Variants in TOP2B observed in about 807,000 individuals in gnomAD.
TOP2B encodes DNA topoisomerase 2-beta.
Under a neutral mutation model 193.5 loss-of-function variants are expected in TOP2B, and 51 were observed. The ratio of observed to expected loss-of-function variants is 0.26; its 90% CI spans 0.21 to 0.33. The LOEUF (loss-of-function observed/expected upper bound fraction) is 0.33. TOP2B is among the 10% of genes least tolerant of loss of function. The pLI is 1.00. For synonymous variants in TOP2B, 634 were observed against 635.7 expected, an observed-to-expected ratio of 1.00 and a Z score of 0.04; for missense variants, 1,378 against 1,909.3, an observed-to-expected ratio of 0.72 and a Z score of 5.19.
chr3:25,632,926 AT>A (rs1703001443), intron 8 of TOP2B, 132 bp from the exon 9 acceptor site: 2 of 779,584 alleles, frequency 2.6e-6, no homozygotes, highest in South Asian at 2.2e-5. Context: ...TTTTAAAAAA[AT>A]AAGACATTTT....
At chr3:25,639,684 T>C (rs1008042577) in intron 4 of TOP2B, among the ~76,000 whole-genome samples, 22 of 152,218 alleles carry the variant, frequency 1.4e-4, no homozygotes, top group African/African-American at 5.1e-4. Context: ...TTAATAAGTG[T>C]TAAGCTCCCT....
chr3:25,612,520 T>C lies in TOP2B; in HGVS notation c.3781A>G (p.Lys1261Glu). The change falls in exon 28 of 36, where the codon AAG becomes GAG. Residue 1261 changes from lysine (K) to glutamate (E), a missense_variant. Coordinates refer to ENST00000264331, the MANE Select transcript of TOP2B (RefSeq NM_001330700.2). ...ADASKKLLKK[K>E]KGDLDTAAVK... ...TGACAAGAGGTATGTCATACCTTCT[T>C]CTTCTTCAGCAACTTTTTGCTGGCA... The C allele has an allele frequency of 6.2e-7, 1 of 1,607,370 alleles. No individual in the cohort carries two copies. Among genetic ancestry groups the C allele is most frequent in the Non-Finnish European group, 8.5e-7 (1 of 1,177,276 alleles).
intron 1 of TOP2B, among the ~76,000 whole-genome samples, chr3:25,647,902 A>G (rs1559507763): frequency 6.6e-6 from 1 of 152,212 alleles, no homozygotes; most frequent in Non-Finnish European, 1.5e-5. Context: ...CATGAAGACA[A>G]GGATTCAACA....
At chr3:25,619,108 G>T (rs552204564) in intron 23 of TOP2B, among the ~76,000 whole-genome samples, 2 of 151,934 alleles carry the variant, frequency 1.3e-5, no homozygotes, top group South Asian at 4.2e-4. Flanking sequence ...ACAAAAATAG[G>T]CCTTAAAAAA....
rs529256350 is a variant in TOP2B, at chr3:25,607,269, A to T, written c.4200T>A (p.Ser1400=). The change falls in exon 31 of 36, where the codon TCT becomes TCA. Residue 1400 remains serine, a synonymous_variant. Coordinates refer to ENST00000264331, the MANE Select transcript of TOP2B (RefSeq NM_001330700.2). The part of the protein sequence containing the change: ...NDLEELKVKA[S]PITNDGEDEF... ...CATCTTCCCCATCATTTGTTATGGG[A>T]GATGCTTTAACTTTCAATTCCTCTA... The T allele has an allele frequency of 9.0e-5, 142 of 1,582,494 alleles. No homozygotes were observed. The South Asian group carries it at 1.5e-3, about 17-fold the overall frequency.
chr3:25,624,383 G>A lies in TOP2B; in HGVS notation c.2409C>T (p.Asn803=). 1.9e-6 allele frequency: 3 copies of A among 1,613,896 alleles called. No individual in the cohort carries two copies. Among genetic ancestry groups the A allele is most frequent in the Non-Finnish European group, 2.5e-6 (3 of 1,179,838 alleles). The change falls in exon 20 of 36, where the codon AAC becomes AAT. Residue 803 remains asparagine, a synonymous_variant. Transcript: ENST00000264331. ...AQNFVGSNNI[N]LLQPIGQFGT... is the part of the protein sequence containing the mutation. ...CAAACTGACCAATAGGCTGAAGCAAGTTAATGTTGTTACTTCCCACAAAGT... is the reference window on the plus strand; with the variant it reads ...CAAACTGACCAATAGGCTGAAGCAAATTAATGTTGTTACTTCCCACAAAGT...
chr3:25,636,256 A>T, intron 6 of TOP2B, 108 bp from the exon 7 acceptor site: 1 of 710,490 alleles, frequency 1.4e-6, no homozygotes. Flanking sequence ...TCAATTTTAC[A>T]ACTTCACAAC....
chr3:25,653,409 T>G (rs1703652958), intron 1 of TOP2B, among the ~76,000 whole-genome samples: 1 of 152,086 alleles, frequency 6.6e-6, no homozygotes. Flanking sequence ...CACTTTTTTT[T>G]TTTAAGAGAG....
At position 25,609,587 on chromosome 3, in the gene TOP2B, C is replaced by A; in HGVS notation, c.3912G>T (p.Lys1304Asn). The A allele has an allele frequency of 6.2e-7, 1 of 1,605,928 alleles. No individual in the cohort carries two copies. The highest frequency in any genetic ancestry group is 8.5e-7 in the Non-Finnish European group (1 of 1,175,872). Residue 1304 changes from lysine (K) to asparagine (N), a missense_variant, in exon 29 of 36, where the codon AAG becomes AAT. Lys to Asn is a moderately conservative substitution (Grantham distance 94). Transcript: ENST00000264331. ...SVPINKGPKP[K>N]REKKEPGTRV... is the part of the protein sequence containing the mutation. ...TCTCACCAGGCTCCTTCTTCTCCCTCTTAGGTTTGGGACCTTTATTTATAG... is the reference window on the plus strand; with the variant it reads ...TCTCACCAGGCTCCTTCTTCTCCCTATTAGGTTTGGGACCTTTATTTATAG...
intron 10 of TOP2B, among the ~76,000 whole-genome samples, chr3:25,631,385 G>A (rs533987725): frequency 6.6e-6 from 1 of 152,076 alleles, no homozygotes; most frequent in South Asian, 2.1e-4. Context: ...GGATAACCTT[G>A]GTAACTTATG....
At chr3:25,634,519 G>A (rs576969380) in intron 7 of TOP2B, among the ~76,000 whole-genome samples, 34 of 152,190 alleles carry the variant, frequency 2.2e-4, no homozygotes, top group African/African-American at 7.9e-4. Flanking sequence ...TAATAAGCTA[G>A]TAGGAACTTT....
At chr3:25,603,659 G>A (rs1460857450) in intron 33 of TOP2B, among the ~76,000 whole-genome samples, 1 of 152,192 alleles carries the variant, frequency 6.6e-6, no homozygotes, top group East Asian at 1.9e-4. Context: ...TTATTTGAGA[G>A]ATAAAGGAGG....
Position 25,661,968 on chromosome 3 carries a change from C to G in TOP2B, c.69+2261G>C, listed in dbSNP as rs1703927857. Among the ~76,000 whole-genome samples, 3 of 152,278 alleles carry G rather than the reference C, an allele frequency of 2.0e-5. No homozygotes were observed. The South Asian group carries it at 6.2e-4, about 32-fold the overall frequency. ...GCTTCAATAAAGCAGACGAAGTTAC[C>G]TTTCTCAAAACAGATGACCACTGCA... On this transcript the variant is annotated intron_variant, in intron 1 of 35. Coordinates refer to ENST00000264331, the MANE Select transcript of TOP2B (RefSeq NM_001330700.2).
intron 2 of TOP2B, among the ~76,000 whole-genome samples, chr3:25,644,130 A>T (rs964461538): frequency 2.6e-5 from 4 of 151,648 alleles, no homozygotes. Flanking sequence ...TACAGGGAGC[A>T]GAGTAAAATA....
chr3:25,640,646 T>C (rs1243986343), intron 4 of TOP2B, among the ~76,000 whole-genome samples: 2 of 152,108 alleles, frequency 1.3e-5, no homozygotes, highest in East Asian at 1.9e-4. Flanking sequence ...ACTAGAATTA[T>C]GTTGAATTAC....
rs372666703 is a variant in TOP2B, at chr3:25,600,313, G to A, written c.4616-784C>T. ...CTTGACAGCTAGACTGGACAAGTAC[G>A]AAGATAGACTTAAATAATCTTGGGA... On this transcript the variant is annotated intron_variant, in intron 34 of 35. Coordinates refer to ENST00000264331, the MANE Select transcript of TOP2B (RefSeq NM_001330700.2). Among the ~76,000 whole-genome samples, 40 of 152,268 alleles carry A rather than the reference G, an allele frequency of 2.6e-4. 1 individual carries two copies. The East Asian group carries it at 3.9e-3, about 15-fold the overall frequency.
chr3:25,632,412 TAAC>T lies in TOP2B; in HGVS notation c.1266+31_1266+33del. Reference sequence around the variant, plus strand: ...AGAAAACTACCTAATCAACTCTTAATAACAACAATAAAAAAAATACAAGTTTTA... The same window carrying T: ...AGAAAACTACCTAATCAACTCTTAATAACAATAAAAAAAATACAAGTTTTA... On this transcript the variant is annotated intron_variant, in intron 10 of 35. Coordinates refer to ENST00000264331, the MANE Select transcript of TOP2B (RefSeq NM_001330700.2). 2.0e-6 allele frequency: 3 copies of T among 1,506,460 alleles called. No individual in the cohort carries two copies. In the South Asian group the frequency reaches 3.9e-5, roughly 19 times the overall value. The allele number at this position is 1,506,460 out of a possible 1,614,324, so 93.3% of individuals were successfully genotyped here. A position where few individuals can be genotyped will look rare whatever the true frequency, so the allele number is the denominator to read the frequency against.
chr3:25,651,353 G>A lies in TOP2B; in HGVS notation c.70-5883C>T, dbSNP rs1349697516. Among the ~76,000 whole-genome samples, 4 of 151,426 alleles carry A rather than the reference G, an allele frequency of 2.6e-5. No individual in the cohort carries two copies. In the East Asian group the frequency reaches 7.7e-4, roughly 29 times the overall value. ...AATTTAAAATTTATTTTTATCACCT[G>A]AAGATATGTTATGTAATGGCAAGGT... On this transcript the variant is annotated intron_variant, in intron 1 of 35. Transcript: ENST00000264331.
chr3:25,630,813 C>A lies in TOP2B; in HGVS notation c.1393G>T (p.Ala465Ser). Residue 465 changes from alanine to serine, a missense_variant, in exon 11 of 36, where the codon GCT becomes TCT. Physicochemically the swap from Ala to Ser is moderately conservative, Grantham distance 99. Transcript: ENST00000264331. ...ATATCAATCTTACCAGCATCATTAG[C>A]ATCATCCAGTTTGGGAATACCTTTG... is the stretch of plus-strand genomic sequence containing the variant. Reference protein sequence around the residue: ...KIKGIPKLDDANDAGGKHSLE... With the variant: ...KIKGIPKLDDSNDAGGKHSLE... The A allele has an allele frequency of 6.4e-7, 1 of 1,574,216 alleles. No homozygotes were observed. The highest frequency in any genetic ancestry group is 8.6e-7 in the Non-Finnish European group (1 of 1,165,338).
Sources: allele counts gnomAD v4.1 joint callset (sites outside exome capture counted in the v4.1 genomes callset), GRCh38; gene constraint gnomAD v4.1.1; transcripts MANE v1.5; gene names NCBI Gene and HGNC (gene_info 2026-07-23, HGNC 2026-07-21).